SEMA5A: variants seen among roughly 807,000 people sequenced by gnomAD.
The protein encoded by SEMA5A is semaphorin-5A.
A neutral mutation model predicts 135.5 loss-of-function variants in SEMA5A; 55 were observed. The observed-to-expected ratio is 0.41, with a 90% CI of 0.33 to 0.51. The LOEUF (loss-of-function observed/expected upper bound fraction) is 0.51. SEMA5A is among the 20% of genes least tolerant of loss of function. The pLI is 0.37. For synonymous variants in SEMA5A, 580 were observed against 546.5 expected (o/e 1.06, Z -0.85); for missense variants, 1,290 against 1,419.9 (o/e 0.91, Z 1.47).
At chr5:9,174,719 A>C (rs1420042269) in intron 11 of SEMA5A, among the ~76,000 whole-genome samples, 1 of 152,212 alleles carries the variant, frequency 6.6e-6, no homozygotes, top group Non-Finnish European at 1.5e-5. Flanking sequence ...TCAGATACTC[A>C]AAGCCAAGGC....
intron 5 of SEMA5A, among the ~76,000 whole-genome samples, chr5:9,275,934 C>G (rs747534479): frequency 6.6e-6 from 1 of 152,162 alleles, no homozygotes. Context: ...CACTCCAACT[C>G]AACATAATAT....
At chr5:9,051,096 A>G (rs1023365174) in intron 20 of SEMA5A, among the ~76,000 whole-genome samples, 1 of 152,244 alleles carries the variant, frequency 6.6e-6, no homozygotes, top group Non-Finnish European at 1.5e-5. Context: ...AAATATGTCT[A>G]TCGTTAAAAA....
At chr5:9,280,013 G>T (rs1384224841) in intron 5 of SEMA5A, among the ~76,000 whole-genome samples, 2 of 152,158 alleles carry the variant, frequency 1.3e-5, no homozygotes, top group African/African-American at 4.8e-5. Flanking sequence ...TTCCAAGAAA[G>T]AGGTGACTGA....
At position 9,400,728 on chromosome 5, in the gene SEMA5A, G is replaced by T. The variant is rs575243130; in HGVS notation, c.-77-20705C>A. Among the ~76,000 whole-genome samples, 2 of 54,250 alleles carry T rather than the reference G, an allele frequency of 3.7e-5. 1 individual carries two copies. Among genetic ancestry groups the T allele is most frequent in the Non-Finnish European group, 7.4e-5 (2 of 27,078 alleles). 35.6% of individuals were successfully genotyped at this position (54,250 alleles called of 152,430 possible). ...TCACCATTTTAGCCGGGATGGTCTC[G>T]ATCTCCTGACCTCGTGATCCGCCCG... On this transcript the variant is annotated intron_variant, in intron 2 of 22. Transcript: ENST00000382496.
intron 5 of SEMA5A, among the ~76,000 whole-genome samples, chr5:9,283,742 C>T (rs942441698): frequency 1.3e-5 from 2 of 152,130 alleles, no homozygotes; most frequent in African/African-American, 4.8e-5. Context: ...TGCCTCTGCC[C>T]GTTAATTTTT....
At chr5:9,416,612 G>A (rs17257806) in intron 2 of SEMA5A, among the ~76,000 whole-genome samples, 4,235 of 152,310 alleles carry the variant, frequency 0.028, 88 homozygotes, top group Middle Eastern at 0.075. Context: ...TCAAGTTCAA[G>A]ACCTGGACTT....
At chr5:9,208,064 TTC>T (rs1044394330) in intron 8 of SEMA5A, among the ~76,000 whole-genome samples, 2 of 152,358 alleles carry the variant, frequency 1.3e-5, no homozygotes, top group Non-Finnish European at 2.9e-5. Flanking sequence ...CCAGTATATT[TTC>T]TCTGTTTCCT....
At chr5:9,218,217 A>AT (rs869202835) in intron 8 of SEMA5A, among the ~76,000 whole-genome samples, 5 of 152,166 alleles carry the variant, frequency 3.3e-5, no homozygotes, top group Non-Finnish European at 5.9e-5. Context: ...TTAAATAAAT[A>AT]TTTTTTAAAA....
At chr5:9,502,034 C>T (rs950571009) in intron 1 of SEMA5A, among the ~76,000 whole-genome samples, 62 of 152,232 alleles carry the variant, frequency 4.1e-4, no homozygotes, top group African/African-American at 1.4e-3. Context: ...CTGATGAAGG[C>T]TACCACAGAA....
chr5:9,477,507 A>C (rs915677345), intron 1 of SEMA5A, among the ~76,000 whole-genome samples: 1 of 152,232 alleles, frequency 6.6e-6, no homozygotes, highest in Non-Finnish European at 1.5e-5. Flanking sequence ...AATCAAGTCC[A>C]GGCTGAGGTG....
At chr5:9,518,686 C>G (rs1006816576) in intron 1 of SEMA5A, among the ~76,000 whole-genome samples, 2 of 152,216 alleles carry the variant, frequency 1.3e-5, no homozygotes, top group Non-Finnish European at 1.5e-5. Flanking sequence ...ATCCCTCCCC[C>G]ACTTTCAGAT....
intron 2 of SEMA5A, among the ~76,000 whole-genome samples, chr5:9,414,743 T>C (rs542906934): frequency 6.6e-6 from 1 of 152,282 alleles, no homozygotes; most frequent in East Asian, 1.9e-4. Context: ...TATCACACCA[T>C]GGGCTTTTGA....
intron 2 of SEMA5A, among the ~76,000 whole-genome samples, chr5:9,384,977 C>T (rs1755825627): frequency 6.6e-6 from 1 of 152,178 alleles, no homozygotes; most frequent in African/African-American, 2.4e-5. Flanking sequence ...GATCAAAGTT[C>T]TATCATCATT....
chr5:9,265,790 AC>A (rs1275758208), intron 5 of SEMA5A, among the ~76,000 whole-genome samples: 1 of 152,222 alleles, frequency 6.6e-6, no homozygotes, highest in African/African-American at 2.4e-5. Flanking sequence ...GGTTCCAGAC[AC>A]AGGATTCAGC....
rs929456142 is a variant in SEMA5A at position 9,173,161 on chromosome 5, A to C, written c.1273+17106T>G. On this transcript the variant is annotated intron_variant, in intron 11 of 22. Transcript: ENST00000382496. ...GCACTGTTGAAGATCTGAAGAAAGG[A>C]GGAATGCACACAGGGACAGATGGCT... Among the ~76,000 whole-genome samples, 16 of 152,282 alleles carry C rather than the reference A, an allele frequency of 1.1e-4. 1 individual carries two copies. Among genetic ancestry groups the C allele is most frequent in the African/African-American group, 3.9e-4 (16 of 41,554 alleles).
chr5:9,394,584 C>G (rs555256168), intron 2 of SEMA5A, among the ~76,000 whole-genome samples: 38 of 152,228 alleles, frequency 2.5e-4, no homozygotes, highest in African/African-American at 8.2e-4. Flanking sequence ...CGAGCAATAA[C>G]AAGTCATGGA....
chr5:9,279,069 G>T (rs60683368), intron 5 of SEMA5A, among the ~76,000 whole-genome samples: 11,994 of 152,244 alleles, frequency 0.079, 611 homozygotes, highest in East Asian at 0.24. Flanking sequence ...TGCACTGTGT[G>T]TCTGGAAAAC....
At chr5:9,471,903 A>C (rs1338076472) in intron 1 of SEMA5A, among the ~76,000 whole-genome samples, 1 of 152,270 alleles carries the variant, frequency 6.6e-6, no homozygotes, top group Non-Finnish European at 1.5e-5. Flanking sequence ...AAGAATGCAG[A>C]AAAGTAGAAA....
intron 11 of SEMA5A, among the ~76,000 whole-genome samples, chr5:9,175,475 C>T (rs1362828769): frequency 6.6e-6 from 1 of 152,102 alleles, no homozygotes; most frequent in Non-Finnish European, 1.5e-5. Context: ...GGCCCTTACA[C>T]GTTTAACACT....
Sources: gnomAD v4.1 joint callset for allele counts (sites outside exome capture counted in the v4.1 genomes callset) on GRCh38, gnomAD v4.1.1 for gene constraint, MANE v1.5 for transcripts, NCBI Gene and HGNC (gene_info 2026-07-23, HGNC 2026-07-21) for gene names.